The following GCN1 variants were observed in gnomAD, a reference collection of about 807,000 sequenced individuals.
GCN1 encodes GCN1 activator of EIF2AK4.
A neutral mutation model predicts 288.4 loss-of-function variants in GCN1; 90 were observed. The observed-to-expected ratio is 0.31, with a 90% CI of 0.26 to 0.37. GCN1 has a LOEUF of 0.37. GCN1 is among the 10% of genes least tolerant of loss of function. The pLI is 1.00. For synonymous variants in GCN1, 1,386 were observed against 1,420.2 expected (o/e 0.98, Z 0.54); for missense variants, 2,586 against 3,419.9 (o/e 0.76, Z 6.08).
rs568977247 is a variant in GCN1 at position 120,164,976 on chromosome 12, TATAC to T, written c.1613-259_1613-256del. Among the ~76,000 whole-genome samples the T allele has an allele frequency of 3.4e-3, 499 of 145,914 alleles. 3 individuals are homozygous for T. The highest frequency in any genetic ancestry group is 0.012 in the African/African-American group (482 of 39,306). On this transcript the variant is annotated intron_variant, in intron 16 of 57. Coordinates refer to ENST00000300648, the MANE Select transcript of GCN1 (RefSeq NM_006836.2). ...ACATATACACATATATACACATATA[TATAC>T]ATATACATATATACACATATATACA...
chr12:120,174,301 G>A (rs1159826830), intron 12 of GCN1, 132 bp from the exon 13 acceptor site: 2 of 632,400 alleles, frequency 3.2e-6, no homozygotes, highest in African/African-American at 1.8e-5. Context: ...CTCTCCTTTG[G>A]CCATTATTGA....
intron 24 of GCN1, 54 bp downstream of exon 24, chr12:120,159,770 CA>C: frequency 6.7e-7 from 1 of 1,487,168 alleles, no homozygotes; most frequent in Non-Finnish European, 9.4e-7. Context: ...ACACCCTGTC[CA>C]AGCACTCAGG....
At chr12:120,147,017 G>A (rs750639158) in intron 38 of GCN1, 35 bp downstream of exon 38, 4 of 1,319,488 alleles carry the variant, frequency 3.0e-6, no homozygotes, top group Non-Finnish European at 4.1e-6. Context: ...AACATCTTCT[G>A]GTCTATCCCA....
chr12:120,158,687 G>C lies in GCN1; in HGVS notation c.2750-72C>G. On this transcript the variant is annotated intron_variant, in intron 24 of 57. Coordinates refer to ENST00000300648, the MANE Select transcript of GCN1 (RefSeq NM_006836.2). This position sits in a 1 kb window ranked among gnomAD's most constrained non-coding sequence, Gnocchi z 4.3. ...TGGAATCCAGCCCAGGCTAAAACAG[G>C]GGACCCAGTGCCTCATCCTTCTGAC... The C allele has an allele frequency of 7.8e-7, 1 of 1,280,700 alleles. No individual in the cohort carries two copies. The highest frequency in any genetic ancestry group is 1.1e-6 in the Non-Finnish European group (1 of 926,100). The allele number at this position is 1,280,700 out of a possible 1,614,324, so 79.3% of individuals were successfully genotyped here.
At chr12:120,133,108 C>T (rs907508290) in intron 53 of GCN1, among the ~76,000 whole-genome samples, 1 of 152,136 alleles carries the variant, frequency 6.6e-6, no homozygotes. Context: ...GGCTGGAGTC[C>T]GACAGCTGGC....
rs1877819226 is a variant in GCN1, at chr12:120,158,368, C to T, written c.2905+92G>A. On this transcript the variant is annotated intron_variant, in intron 25 of 57. Transcript: ENST00000300648. The surrounding 1 kb of genome is among the most constrained non-coding windows in gnomAD (Gnocchi z 4.3). ...CCTCCATATGGTCCAATCCCCCAGG[C>T]TCAGGAGGCCCTGGGTGACGCTGTG... The T allele has an allele frequency of 3.7e-6, 4 of 1,090,604 alleles. No individual in the cohort carries two copies. The highest frequency in any genetic ancestry group is 5.2e-6 in the Non-Finnish European group (4 of 772,778). 67.6% of individuals were successfully genotyped at this position (1,090,604 alleles called of 1,614,324 possible).
chr12:120,194,367 T>G (rs1429137333), intron 1 of GCN1, among the ~76,000 whole-genome samples: 1 of 152,160 alleles, frequency 6.6e-6, no homozygotes, highest in Non-Finnish European at 1.5e-5. Flanking sequence ...GCCGGAGGGC[T>G]TTGGAGAAAA....
chr12:120,134,880 A>G lies in GCN1; in HGVS notation c.7009-154T>C, dbSNP rs554930083. 6.6e-6 allele frequency among the ~76,000 whole-genome samples: 1 copy of G among 152,142 alleles called. No homozygotes were observed. The highest frequency in any genetic ancestry group is 1.5e-5 in the Non-Finnish European group (1 of 68,018). ...ACAGATAGCCCGTCAGAGAGGCCAA[A>G]CACAGACAGGTTTCGCTTGGCCTCC... On this transcript the variant is annotated intron_variant, in intron 51 of 57. Coordinates refer to ENST00000300648, the MANE Select transcript of GCN1 (RefSeq NM_006836.2). The surrounding 1 kb of genome is among the most constrained non-coding windows in gnomAD (Gnocchi z 5.0).
chr12:120,161,806 C>T, intron 21 of GCN1, 74 bp downstream of exon 21: 1 of 1,425,796 alleles, frequency 7.0e-7, no homozygotes, highest in African/African-American at 1.4e-5. Flanking sequence ...ACAGGAGGCA[C>T]TGGCTCCATT....
intron 2 of GCN1, among the ~76,000 whole-genome samples, chr12:120,186,047 A>G (rs2139143207): frequency 6.6e-6 from 1 of 152,106 alleles, no homozygotes; most frequent in East Asian, 1.9e-4. Context: ...AAGAGTGCTC[A>G]ATATGGCTGG....
intron 50 of GCN1, 59 bp from the exon 51 acceptor site, chr12:120,136,791 C>A (rs1877018512): frequency 7.0e-6 from 9 of 1,283,970 alleles, no homozygotes; most frequent in Non-Finnish European, 7.8e-6. Context: ...CTGGTGTCTC[C>A]CATGCAAGCA....
At chr12:120,140,484 C>A (rs1417702028) in intron 45 of GCN1, among the ~76,000 whole-genome samples, 1 of 152,158 alleles carries the variant, frequency 6.6e-6, no homozygotes, top group Non-Finnish European at 1.5e-5. Flanking sequence ...CCTGCCCTAC[C>A]CACTCACACA....
Position 120,153,824 on chromosome 12 carries a change from C to T in GCN1, c.3787G>A (p.Asp1263Asn). ...TCTGGGTGTCGGTCATTGAGGGCAT[C>T]AGGGACAAAAAACTGAAAGAGTGGC... ...VKPLFQFFVPDALNDRHPDVR... is the reference protein window; with the variant it reads ...VKPLFQFFVPNALNDRHPDVR... The change falls in exon 32 of 58, where the codon GAT becomes AAT. Residue 1263 changes from aspartate to asparagine, a missense_variant. Physicochemically the swap from Asp to Asn is conservative, Grantham distance 23 (BLOSUM62 1). Transcript: ENST00000300648. This position sits in a 1 kb window ranked among gnomAD's most constrained non-coding sequence, Gnocchi z 4.4. The T allele has an allele frequency of 6.2e-7, 1 of 1,614,098 alleles. No individual in the cohort carries two copies. Among genetic ancestry groups the T allele is most frequent in the Non-Finnish European group, 8.5e-7 (1 of 1,179,958 alleles).
rs1390217662 is a variant in GCN1 at position 120,134,649 on chromosome 12, C to T, written c.7086G>A (p.Gly2362=). The T allele has an allele frequency of 5.0e-6, 8 of 1,613,834 alleles. No homozygotes were observed. Among genetic ancestry groups the T allele is most frequent in the South Asian group, 1.1e-5 (1 of 91,074 alleles). Residue 2362 remains glycine (G), a synonymous_variant, in exon 52 of 58, where the codon GGG becomes GGA. Transcript: ENST00000300648. The surrounding 1 kb of genome is among the most constrained non-coding windows in gnomAD (Gnocchi z 5.0). ...FTKALQDSNR[G]VRLKAADALG... ...GAGCATCTGCGGCCTTCAGGCGCAC[C>T]CCCCGGTTGGAGTCCTGCAGGGCTT...
At chr12:120,189,413 A>G (rs1439858733) in intron 2 of GCN1, among the ~76,000 whole-genome samples, 5 of 140,528 alleles carry the variant, frequency 3.6e-5, no homozygotes, top group Admixed American at 3.0e-4. Context: ...CCCAGGCTAG[A>G]GTGCAGTGGC....
In GCN1 at chr12:120,155,165, G is replaced by A; in HGVS notation, c.3630+76C>T. ...CCGTGAGCCCCGAGATTCCTGTCTG[G>A]AGCAGTAGCGGGGTGAGCAGAGACC... On this transcript the variant is annotated intron_variant, in intron 30 of 57. Coordinates refer to ENST00000300648, the MANE Select transcript of GCN1 (RefSeq NM_006836.2). The surrounding 1 kb of genome is among the most constrained non-coding windows in gnomAD (Gnocchi z 4.9). The A allele has an allele frequency of 6.5e-7, 1 of 1,537,462 alleles. No homozygotes were observed.
intron 14 of GCN1, among the ~76,000 whole-genome samples, chr12:120,173,257 A>G (rs1370895566): frequency 6.6e-6 from 1 of 151,930 alleles, no homozygotes; most frequent in South Asian, 2.1e-4. Context: ...GGGTTTCGCC[A>G]TGTTGGTCTT....
At chr12:120,136,897 C>T (rs749042995) in intron 50 of GCN1, among the ~76,000 whole-genome samples, 165 bp from the exon 51 acceptor site, 18 of 152,206 alleles carry the variant, frequency 1.2e-4, no homozygotes, top group Admixed American at 1.3e-4. Context: ...GGCTATGGAA[C>T]GGTCTTGGCA....
rs1877819574 is a variant in GCN1, at chr12:120,158,386, A to T, written c.2905+74T>A. ...CCCCAGGCTCAGGAGGCCCTGGGTG[A>T]CGCTGTGCCTTGAGCAGCATTCCTG... On this transcript the variant is annotated intron_variant, in intron 25 of 57. Coordinates refer to ENST00000300648, the MANE Select transcript of GCN1 (RefSeq NM_006836.2). The surrounding 1 kb of genome is among the most constrained non-coding windows in gnomAD (Gnocchi z 4.3). 7.8e-7 allele frequency: 1 copy of T among 1,288,028 alleles called. No homozygotes were observed. The highest frequency in any genetic ancestry group is 1.1e-6 in the Non-Finnish European group (1 of 943,158). The allele number at this position is 1,288,028 out of a possible 1,614,324, so 79.8% of individuals were successfully genotyped here. A position where few individuals can be genotyped will look rare whatever the true frequency, so the allele number is the denominator to read the frequency against.
Sources: allele counts gnomAD v4.1 joint callset (sites outside exome capture counted in the v4.1 genomes callset), GRCh38; gene constraint gnomAD v4.1.1; non-coding constraint Gnocchi (gnomAD v3.1); transcripts MANE v1.5; gene names NCBI Gene and HGNC (gene_info 2026-07-23, HGNC 2026-07-21).